The following KLF16 variants were observed in gnomAD, a reference collection of about 807,000 sequenced individuals.
The protein encoded by KLF16 is Krueppel-like factor 16.
In KLF16, 6 loss-of-function variants were observed where a neutral mutation model predicts 6.1. The observed-to-expected ratio is 0.98, with a 90% CI of 0.54 to 1.93. The LOEUF (loss-of-function observed/expected upper bound fraction) is 1.93, where lower values mean the gene tolerates loss of function less well. Ranked by LOEUF, KLF16 falls within the 30% of genes most tolerant of loss-of-function variation. The probability of loss-of-function intolerance (pLI) is 0.01; values close to 1 mark genes in which losing one functional copy is unlikely to be tolerated. For synonymous variants in KLF16, 211 were observed against 176.5 expected, an observed-to-expected ratio of 1.20 and a Z score of -1.55; for missense variants, 355 against 363.8, an observed-to-expected ratio of 0.98 and a Z score of 0.20.
At chr19:1,858,553 G>A (rs2012000268) in intron 1 of KLF16, among the ~76,000 whole-genome samples, 1 of 152,138 alleles carries the variant, frequency 6.6e-6, no homozygotes, top group Non-Finnish European at 1.5e-5. Flanking sequence ...GTATACAGCA[G>A]GTGCTTAATG....
the KLF16 span, among the ~76,000 whole-genome samples, chr19:1,870,694 A>G: frequency 6.6e-6 from 1 of 152,004 alleles, no homozygotes; most frequent in African/African-American, 2.4e-5. Context: ...GAAAGAAAAA[A>G]AGAAAGATTC....
At chr19:1,876,525 C>T in the KLF16 span, among the ~76,000 whole-genome samples, 1 of 152,230 alleles carries the variant, frequency 6.6e-6, no homozygotes, top group Non-Finnish European at 1.5e-5. Flanking sequence ...TGCTGGACCC[C>T]AGCTTCGCCA....
upstream of KLF16, among the ~76,000 whole-genome samples, chr19:1,864,430 G>A (rs1296761365): frequency 6.6e-6 from 1 of 151,304 alleles, no homozygotes; most frequent in African/African-American, 2.4e-5. Context: ...CCCGCGGCGG[G>A]GCCCGGGAGG....
the KLF16 span, among the ~76,000 whole-genome samples, chr19:1,873,511 G>A: frequency 6.6e-6 from 1 of 152,202 alleles, no homozygotes; most frequent in Non-Finnish European, 1.5e-5. Context: ...CGTCACCCAG[G>A]GCCCCGTGCT....
chr19:1,856,897 C>T (rs2011961110), intron 1 of KLF16, among the ~76,000 whole-genome samples: 1 of 143,592 alleles, frequency 7.0e-6, no homozygotes, highest in South Asian at 2.3e-4. Flanking sequence ...GGCGGCGGGG[C>T]TGGTCTCCAC....
intron 1 of KLF16, among the ~76,000 whole-genome samples, chr19:1,855,868 C>T (rs1207938134): frequency 3.9e-5 from 6 of 152,224 alleles, no homozygotes; most frequent in East Asian, 3.8e-4. Flanking sequence ...CATTCCGGGA[C>T]GTTATTCCCG....
upstream of KLF16, among the ~76,000 whole-genome samples, chr19:1,864,967 G>T (rs1223620680): frequency 6.6e-6 from 1 of 152,230 alleles, no homozygotes. Flanking sequence ...GGTTGGGCAT[G>T]GACAGAGGCC....
chr19:1,855,624 G>A (rs893337404), intron 1 of KLF16, among the ~76,000 whole-genome samples: 6 of 152,248 alleles, frequency 3.9e-5, no homozygotes, highest in South Asian at 4.1e-4. Context: ...GCCTCCAGGC[G>A]GTGTGGGTCT....
intron 1 of KLF16, chr19:1,861,367 G>A (rs1318371333): frequency 6.6e-6 from 1 of 152,212 alleles, no homozygotes; most frequent in Non-Finnish European, 1.5e-5. Context: ...CGTCTGTTCA[G>A]ATCGCCCAAC....
At chr19:1,864,799 G>A (rs954343163), upstream of KLF16, among the ~76,000 whole-genome samples, 1 of 152,222 alleles carries the variant, frequency 6.6e-6, no homozygotes, top group Non-Finnish European at 1.5e-5. Context: ...CAGTTCGCAG[G>A]CCCAAGGCGG....
the KLF16 span, among the ~76,000 whole-genome samples, chr19:1,870,584 A>C: frequency 6.6e-6 from 1 of 152,166 alleles, no homozygotes; most frequent in South Asian, 2.1e-4. Context: ...TGGAAAGATC[A>C]CTCGAGCCTA....
the KLF16 span, among the ~76,000 whole-genome samples, chr19:1,874,208 A>G: frequency 6.6e-6 from 1 of 152,116 alleles, no homozygotes; most frequent in Non-Finnish European, 1.5e-5. Flanking sequence ...GAACCAGATA[A>G]ACTTGCCTGC....
At chr19:1,858,128 C>A (rs2011991524) in intron 1 of KLF16, among the ~76,000 whole-genome samples, 1 of 152,074 alleles carries the variant, frequency 6.6e-6, no homozygotes, top group South Asian at 2.1e-4. Context: ...GGCAGGCATA[C>A]CCACCCTTGT....
chr19:1,868,675 G>A, the KLF16 span, among the ~76,000 whole-genome samples: 3 of 138,874 alleles, frequency 2.2e-5, no homozygotes, highest in Admixed American at 7.6e-5. Flanking sequence ...ATAGAGTTTC[G>A]CTCTTGTTGT....
the KLF16 span, among the ~76,000 whole-genome samples, chr19:1,874,410 G>A: frequency 6.6e-6 from 1 of 151,856 alleles, no homozygotes; most frequent in Non-Finnish European, 1.5e-5. Flanking sequence ...GGGACAATTT[G>A]TGGAAAAAAA....
rs1047361435 is a variant in KLF16 at position 1,857,136 on chromosome 19, G to A, written c.458-2376C>T. ...TCCGGCCTGGGTGCCTGCCAGCCCC[G>A]CCCCGCGCTTGGAGACTGAGGCGCG... On this transcript the variant is annotated intron_variant, in intron 1 of 1. Coordinates refer to ENST00000250916, the MANE Select transcript of KLF16 (RefSeq NM_031918.4). This position sits in a 1 kb window ranked among gnomAD's most constrained non-coding sequence, Gnocchi z 4.7. Among the ~76,000 whole-genome samples the A allele has an allele frequency of 4.6e-5, 7 of 152,126 alleles. No homozygotes were observed. The highest frequency in any genetic ancestry group is 1.7e-4 in the African/African-American group (7 of 41,406).
chr19:1,865,070 C>G (rs2012164672), upstream of KLF16, among the ~76,000 whole-genome samples: 1 of 152,238 alleles, frequency 6.6e-6, no homozygotes, highest in Non-Finnish European at 1.5e-5. Context: ...CTGGGTCGCC[C>G]GCACTGCGCC....
rs2012120385 is a variant in KLF16, at chr19:1,863,568, G to A, written c.-71C>T. 1 of 765,694 alleles carries A rather than the reference G, an allele frequency of 1.3e-6. No individual in the cohort carries two copies. Among genetic ancestry groups the A allele is most frequent in the Non-Finnish European group, 1.6e-6 (1 of 632,480 alleles). 47.4% of individuals were successfully genotyped at this position (765,694 alleles called of 1,614,324 possible). On this transcript the variant is annotated 5_prime_UTR_variant, in exon 1 of 2. Transcript: ENST00000250916. ...GAGCGGCGTCCGTCCGGCCGGCGGC[G>A]GCTGCTCGAGTGCGGGAGGCGGAGG... is the stretch of plus-strand genomic sequence containing the variant.
chr19:1,863,955 C>A (rs559768134), upstream of KLF16, among the ~76,000 whole-genome samples: 3 of 146,460 alleles, frequency 2.0e-5, no homozygotes, highest in Non-Finnish European at 3.1e-5. Context: ...CGCGCGCCCC[C>A]GTACCCTTTC....
Sources: gnomAD v4.1 joint callset for allele counts (sites outside exome capture counted in the v4.1 genomes callset) on GRCh38, gnomAD v4.1.1 for gene constraint, Gnocchi (gnomAD v3.1) non-coding constraint, MANE v1.5 for transcripts, NCBI Gene and HGNC (gene_info 2026-07-23, HGNC 2026-07-21) for gene names.